Variants in CLCN4 observed in about 807,000 individuals in gnomAD.
CLCN4 encodes H(+)/Cl(-) exchange transporter 4.
Under a neutral mutation model 41.7 loss-of-function variants are expected in CLCN4, and 1 was observed. The observed-to-expected ratio is 0.02, with a 90% CI of 0.01 to 0.11. The LOEUF (loss-of-function observed/expected upper bound fraction) is 0.11. CLCN4 is among the 10% of genes least tolerant of loss of function. The pLI, the probability that CLCN4 is intolerant of heterozygous loss-of-function variation, is 1.00. For missense variants in CLCN4, 287 were observed against 661.0 expected, an observed-to-expected ratio of 0.43 and a Z score of 6.20; for synonymous variants, 277 against 285.8, an observed-to-expected ratio of 0.97 and a Z score of 0.31.
chrX:10,220,609 G>T, intron 11 of CLCN4, 52 bp from the exon 12 acceptor site: 1 of 1,000,712 alleles, frequency 1.0e-6, no homozygotes, highest in Non-Finnish European at 1.4e-6. Flanking sequence ...GTGGGGAATT[G>T]CTCAGCAAGG....
intron 4 of CLCN4, among the ~76,000 whole-genome samples, chrX:10,190,287 G>T (rs937027699): frequency 8.9e-6 from 1 of 111,828 alleles, no homozygotes; most frequent in Non-Finnish European, 1.9e-5. Flanking sequence ...GGTAATTGTG[G>T]TTTTTGCCAT....
intron 6 of CLCN4, among the ~76,000 whole-genome samples, chrX:10,200,731 C>G (rs919208096): frequency 8.9e-6 from 1 of 112,023 alleles, no homozygotes. Flanking sequence ...CTCTGTTGCC[C>G]AGGCTGGAGT....
intron 5 of CLCN4, 76 bp from the exon 6 acceptor site, chrX:10,197,863 A>G (rs980474921): frequency 1.4e-5 from 16 of 1,145,537 alleles, no homozygotes; most frequent in Non-Finnish European, 1.8e-5. Context: ...GTCAAGACAG[A>G]TGGGGAGGGG....
At chrX:10,163,363 A>AT (rs34955324) in intron 2 of CLCN4, among the ~76,000 whole-genome samples, 6,373 of 98,589 alleles carry the variant, frequency 0.065, 177 homozygotes, top group Middle Eastern at 0.079. Flanking sequence ...ATGTGCAGGA[A>AT]TTTTTTTTTT....
chrX:10,214,208 G>A, intron 11 of CLCN4, 129 bp downstream of exon 11: 2 of 701,289 alleles, frequency 2.9e-6, no homozygotes, highest in Non-Finnish European at 4.1e-6. Flanking sequence ...ACATGTCTCT[G>A]GGTCACCCAG....
At chrX:10,229,127 A>G (rs918075873) in intron 12 of CLCN4, among the ~76,000 whole-genome samples, 2 of 111,042 alleles carry the variant, frequency 1.8e-5, no homozygotes, top group African/African-American at 3.3e-5. Flanking sequence ...AAGGAGTCCT[A>G]TTGGCCCAGC....
At chrX:10,209,253 ATGCT>A (rs1924474753) in intron 9 of CLCN4, among the ~76,000 whole-genome samples, 1 of 98,373 alleles carries the variant, frequency 1.0e-5, no homozygotes, top group African/African-American at 4.0e-5. Flanking sequence ...ATGACAGCAC[ATGCT>A]TTCTTTTCCT....
At chrX:10,174,153 G>A (rs1407029134) in intron 2 of CLCN4, among the ~76,000 whole-genome samples, 1 of 112,042 alleles carries the variant, frequency 8.9e-6, no homozygotes, top group African/African-American at 3.2e-5. Flanking sequence ...ATACACCCTT[G>A]GTAGGGTTGG....
Position 10,199,545 on chromosome X carries a change from G to T in CLCN4, c.555+1484G>T, listed in dbSNP as rs770770592. On this transcript the variant is annotated intron_variant, in intron 6 of 12. Transcript: ENST00000380833. ...AGGCGTAGATGGGTGTGGCACCCTG[G>T]CATATGTGTGAACCGGTAGATGTTT... 6.3e-5 allele frequency among the ~76,000 whole-genome samples: 7 copies of T among 111,058 alleles called. No individual in the cohort carries two copies. In the South Asian group the frequency reaches 2.6e-3, roughly 42 times the overall value.
chrX:10,157,321 A>C (rs1922978133), intron 1 of CLCN4, among the ~76,000 whole-genome samples: 1 of 112,205 alleles, frequency 8.9e-6, no homozygotes, highest in African/African-American at 3.2e-5. Flanking sequence ...ATAGAAGGAC[A>C]CGAAAGCTGA....
At chrX:10,201,244 A>G (rs1457493418) in intron 6 of CLCN4, among the ~76,000 whole-genome samples, 1 of 112,088 alleles carries the variant, frequency 8.9e-6, no homozygotes, top group Non-Finnish European at 1.9e-5. Context: ...TCTGTTTCTT[A>G]AACTTGGTAG....
At chrX:10,157,390 T>C (rs1017934875) in intron 1 of CLCN4, among the ~76,000 whole-genome samples, 2 of 112,188 alleles carry the variant, frequency 1.8e-5, no homozygotes, top group Non-Finnish European at 3.8e-5. Flanking sequence ...CTATTTCATG[T>C]CTCCTTCAGG....
intron 2 of CLCN4, among the ~76,000 whole-genome samples, chrX:10,169,538 G>A (rs897426471): frequency 2.7e-5 from 3 of 111,805 alleles, no homozygotes; most frequent in Admixed American, 9.5e-5. Context: ...GTAAGGAAAG[G>A]CAAGGTATGC....
chrX:10,164,622 G>A (rs1301263740), intron 2 of CLCN4, among the ~76,000 whole-genome samples: 1 of 111,875 alleles, frequency 8.9e-6, no homozygotes, highest in African/African-American at 3.3e-5. Flanking sequence ...GGACTGAGGA[G>A]CTAACCTCTT....
chrX:10,159,137 T>C (rs977959620), intron 2 of CLCN4, among the ~76,000 whole-genome samples: 1 of 112,223 alleles, frequency 8.9e-6, no homozygotes, highest in African/African-American at 3.2e-5. Context: ...AACGTATTTT[T>C]TTTTTCCTTC....
chrX:10,233,404 G>A (rs1190699753), intron 12 of CLCN4, 90 bp from the exon 13 acceptor site: 1 of 639,028 alleles, frequency 1.6e-6, no homozygotes, highest in African/African-American at 2.2e-5. Context: ...CTGTCTCTGT[G>A]TCCACATGGA....
chrX:10,215,896 C>T (rs1924691757), intron 11 of CLCN4, among the ~76,000 whole-genome samples: 2 of 111,674 alleles, frequency 1.8e-5, no homozygotes, highest in African/African-American at 3.3e-5. Flanking sequence ...TCAATCAGAC[C>T]GATAATAATA....
intron 2 of CLCN4, among the ~76,000 whole-genome samples, chrX:10,182,906 A>G (rs1923720140): frequency 8.9e-6 from 1 of 112,176 alleles, no homozygotes; most frequent in Non-Finnish European, 1.9e-5. Context: ...TTCAAGCATT[A>G]TTGCCTGAAG....
At chrX:10,209,270 T>TCCCG (rs1924476810) in intron 9 of CLCN4, among the ~76,000 whole-genome samples, 3 of 80,582 alleles carry the variant, frequency 3.7e-5, no homozygotes, top group Admixed American at 2.8e-4. Context: ...CTTTTCCTCC[T>TCCCG]CCCTCCCTCC....
Sources: gnomAD v4.1 joint callset for allele counts (sites outside exome capture counted in the v4.1 genomes callset) on GRCh38, gnomAD v4.1.1 for gene constraint, MANE v1.5 for transcripts, NCBI Gene and HGNC (gene_info 2026-07-23, HGNC 2026-07-21) for gene names.